The following CCDC122 variants were observed in gnomAD, a reference collection of about 807,000 sequenced individuals.
CCDC122 encodes the protein coiled-coil domain-containing protein 122.
In CCDC122, 38 loss-of-function variants were observed where a neutral mutation model predicts 37.0. The observed-to-expected ratio is 1.03, with a 90% CI of 0.79 to 1.35. CCDC122 has a LOEUF of 1.35. CCDC122 is among the 40% of genes most tolerant of loss of function. CCDC122 has a pLI of 0.00. For synonymous variants in CCDC122, 83 were observed against 95.6 expected (o/e 0.87, Z 0.77); for missense variants, 305 against 310.0 (o/e 0.98, Z 0.12).
chr13:43,822,835 A>G (rs9533633), downstream of CCDC122, among the ~76,000 whole-genome samples: 140,107 of 152,078 alleles, frequency 0.92, 64,926 homozygotes, highest in South Asian at 0.98. Flanking sequence ...CACCCTTCAG[A>G]GTGGTGGGCT....
chr13:43,861,244 T>C (rs1010252276), intron 4 of CCDC122, among the ~76,000 whole-genome samples: 4 of 152,092 alleles, frequency 2.6e-5, no homozygotes, highest in Middle Eastern at 3.2e-3. Flanking sequence ...TGAAATTCAG[T>C]TATGGAAGAG....
At chr13:43,869,062 T>A (rs1024246670) in intron 3 of CCDC122, among the ~76,000 whole-genome samples, 1 of 152,014 alleles carries the variant, frequency 6.6e-6, no homozygotes, top group Non-Finnish European at 1.5e-5. Flanking sequence ...TTGTCCTAAT[T>A]TTTTTTATCC....
chr13:43,858,983 A>G, intron 5 of CCDC122, 86 bp from the exon 6 acceptor site: 1 of 1,066,162 alleles, frequency 9.4e-7, no homozygotes. Flanking sequence ...ATAATTTAAG[A>G]AAACTAGCCA....
At chr13:43,878,682 G>A (rs944804098) in intron 1 of CCDC122, among the ~76,000 whole-genome samples, 5 of 152,074 alleles carry the variant, frequency 3.3e-5, no homozygotes, top group Admixed American at 3.3e-4. Context: ...TGTCCTAACT[G>A]CTATTTTCAA....
chr13:43,849,905 C>G (rs957762532), intron 6 of CCDC122, among the ~76,000 whole-genome samples: 7 of 152,182 alleles, frequency 4.6e-5, no homozygotes, highest in African/African-American at 1.7e-4. Context: ...AAACCATACA[C>G]TGTGGTGTCG....
Position 43,852,828 on chromosome 13 carries a change from A to G in CCDC122, c.672+5953T>C, listed in dbSNP as rs1202323693. Among the ~76,000 whole-genome samples the G allele has an allele frequency of 2.0e-5, 3 of 152,116 alleles. No individual in the cohort carries two copies. In the East Asian group the frequency reaches 5.8e-4, roughly 30 times the overall value. ...TACAAGCAGAAGAGACTGGGAACCAATATTCAAAATTTTTACAGAAAAGAA... is the reference window on the plus strand; with the variant it reads ...TACAAGCAGAAGAGACTGGGAACCAGTATTCAAAATTTTTACAGAAAAGAA... On this transcript the variant is annotated intron_variant, in intron 6 of 6. Transcript: ENST00000444614.
At chr13:43,838,434 A>G (rs1374666952) in intron 6 of CCDC122, among the ~76,000 whole-genome samples, 1 of 152,174 alleles carries the variant, frequency 6.6e-6, no homozygotes, top group African/African-American at 2.4e-5. Flanking sequence ...AGCATAGTGG[A>G]AAGTGCTTCA....
chr13:43,834,217 C>T (rs1203014457), downstream of CCDC122, among the ~76,000 whole-genome samples: 1 of 152,126 alleles, frequency 6.6e-6, no homozygotes, highest in Non-Finnish European at 1.5e-5. Flanking sequence ...GAAAGGATTC[C>T]CTATTTAATA....
intron 6 of CCDC122, among the ~76,000 whole-genome samples, chr13:43,848,448 C>T (rs1030038808): frequency 4.0e-5 from 6 of 151,694 alleles, no homozygotes; most frequent in Non-Finnish European, 7.4e-5. Context: ...AACTAGAAAC[C>T]ACTGATTGTT....
intron 6 of CCDC122, among the ~76,000 whole-genome samples, chr13:43,840,153 C>T (rs1397554341): frequency 6.6e-6 from 1 of 152,136 alleles, no homozygotes; most frequent in Non-Finnish European, 1.5e-5. Flanking sequence ...AGTTAGGTTG[C>T]AGTTCATCCA....
downstream of CCDC122, among the ~76,000 whole-genome samples, chr13:43,835,293 C>T (rs2153868817): frequency 6.6e-6 from 1 of 152,132 alleles, no homozygotes; most frequent in East Asian, 1.9e-4. Flanking sequence ...GGGAACATCA[C>T]ACACTGGGGC....
At chr13:43,867,042 A>T (rs918184949) in intron 4 of CCDC122, among the ~76,000 whole-genome samples, 1 of 152,148 alleles carries the variant, frequency 6.6e-6, no homozygotes, top group Non-Finnish European at 1.5e-5. Context: ...ACCATTAAGT[A>T]TGTGGCTGGT....
At position 43,843,633 on chromosome 13, in the gene CCDC122, G is replaced by A. The variant is rs76968905; in HGVS notation, c.673-6204C>T. ...TTTCTGAAACAGTCTGTTTACATTGGGCATTATTTTTTCCTTAAATATATG... is the reference window on the plus strand; with the variant it reads ...TTTCTGAAACAGTCTGTTTACATTGAGCATTATTTTTTCCTTAAATATATG... On this transcript the variant is annotated intron_variant, in intron 6 of 6. Coordinates refer to ENST00000444614, the MANE Select transcript of CCDC122 (RefSeq NM_144974.5). Among the ~76,000 whole-genome samples, 42 of 151,812 alleles carry A rather than the reference G, an allele frequency of 2.8e-4. No homozygotes were observed. The East Asian group carries it at 8.1e-3, about 29-fold the overall frequency.
chr13:43,822,231 A>G (rs1265303864), downstream of CCDC122, among the ~76,000 whole-genome samples: 1 of 152,178 alleles, frequency 6.6e-6, no homozygotes, highest in Non-Finnish European at 1.5e-5. Flanking sequence ...GCAGTCTTGC[A>G]TACGATCTGG....
intron 6 of CCDC122, among the ~76,000 whole-genome samples, chr13:43,850,670 A>G (rs1211266668): frequency 6.6e-6 from 1 of 152,184 alleles, no homozygotes; most frequent in East Asian, 1.9e-4. Context: ...ATAGAACTTC[A>G]GGGGCTTATG....
chr13:43,828,777 CTAAA>C (rs752339502), intron 3 of CCDC122, among the ~76,000 whole-genome samples: 2 of 152,082 alleles, frequency 1.3e-5, no homozygotes, highest in Non-Finnish European at 2.9e-5. Flanking sequence ...ATTTAAAGAA[CTAAA>C]TAAATAAATT....
chr13:43,830,024 C>A (rs1244504709), intron 3 of CCDC122, among the ~76,000 whole-genome samples: 1 of 151,970 alleles, frequency 6.6e-6, no homozygotes, highest in Non-Finnish European at 1.5e-5. Context: ...TACAGGGACG[C>A]ATCACCACGC....
chr13:43,839,444 A>G (rs1270040129), intron 6 of CCDC122, among the ~76,000 whole-genome samples: 2 of 152,248 alleles, frequency 1.3e-5, no homozygotes, highest in Non-Finnish European at 2.9e-5. Flanking sequence ...GTATTGCCAA[A>G]TAATAGCACA....
At chr13:43,822,074 G>T (rs1345056633), downstream of CCDC122, among the ~76,000 whole-genome samples, 1 of 152,140 alleles carries the variant, frequency 6.6e-6, no homozygotes, top group Non-Finnish European at 1.5e-5. Flanking sequence ...TCTGGTCACT[G>T]AAGAGTTAGG....
Sources: allele counts gnomAD v4.1 joint callset (sites outside exome capture counted in the v4.1 genomes callset), GRCh38; gene constraint gnomAD v4.1.1; transcripts MANE v1.5; gene names NCBI Gene and HGNC (gene_info 2026-07-23, HGNC 2026-07-21).